The following PRKG1 variants were observed in gnomAD, a reference collection of about 807,000 sequenced individuals.
PRKG1 encodes the protein cGMP-dependent protein kinase 1.
In PRKG1, 35 loss-of-function variants were observed where a neutral mutation model predicts 88.1. The ratio of observed to expected loss-of-function variants is 0.40; its 90% CI spans 0.30 to 0.53. The LOEUF is 0.53. PRKG1 is among the 20% of genes least tolerant of loss of function. The pLI is 0.59. For synonymous variants in PRKG1, 303 were observed against 292.5 expected (o/e 1.04, Z -0.37); for missense variants, 540 against 839.8 (o/e 0.64, Z 4.41).
chr10:51,894,845 T>G (rs1841803883), intron 4 of PRKG1, among the ~76,000 whole-genome samples: 1 of 152,240 alleles, frequency 6.6e-6, no homozygotes, highest in Non-Finnish European at 1.5e-5. Flanking sequence ...AAATGTATTC[T>G]CTTCTATTAT....
intron 1 of PRKG1, among the ~76,000 whole-genome samples, chr10:51,104,348 T>C (rs1472275347): frequency 6.6e-6 from 1 of 152,186 alleles, no homozygotes; most frequent in Non-Finnish European, 1.5e-5. Flanking sequence ...TCTTCACATA[T>C]AACTTTGCTA....
At chr10:51,502,539 G>T (rs1841061856) in intron 3 of PRKG1, among the ~76,000 whole-genome samples, 1 of 152,104 alleles carries the variant, frequency 6.6e-6, no homozygotes, top group South Asian at 2.1e-4. Context: ...AAATGTATAG[G>T]ATTTGAAGTG....
intron 1 of PRKG1, chr10:51,062,803 G>A (rs1589128768): frequency 6.6e-6 from 1 of 152,002 alleles, no homozygotes; most frequent in Non-Finnish European, 1.5e-5. Context: ...TTTATTTTTA[G>A]TAGAGACGGG....
chr10:52,087,194 A>T (rs1224067117), intron 7 of PRKG1, among the ~76,000 whole-genome samples: 2 of 152,196 alleles, frequency 1.3e-5, no homozygotes, highest in Non-Finnish European at 2.9e-5. Context: ...AAGCCTTGCA[A>T]ATAGGGTATC....
intron 3 of PRKG1, among the ~76,000 whole-genome samples, chr10:51,720,868 T>A (rs10762328): frequency 0.44 from 67,096 of 151,786 alleles, 15,434 homozygotes; most frequent in Middle Eastern, 0.57. Context: ...GTTGCTGAGA[T>A]ATTGATTACT....
Position 52,293,826 on chromosome 10 carries a change from A to T in PRKG1, c.1987A>T (p.Asn663Tyr). ...GGTTGCATCACCCACAGACACAAGT[A>T]ATTTTGACAGTTTCCCTGAGGACAA... ...PSVASPTDTS[N>Y]FDSFPEDNDE... Residue 663 changes from asparagine (N) to tyrosine (Y), a missense_variant, in exon 18 of 18, where the codon AAT (asparagine) becomes TAT (tyrosine). Asn to Tyr is a moderately radical substitution (Grantham distance 143, BLOSUM62 -2). Coordinates refer to ENST00000373980, the MANE Select transcript of PRKG1 (RefSeq NM_006258.4). 1.2e-6 allele frequency: 2 copies of T among 1,613,348 alleles called. No homozygotes were observed. Among genetic ancestry groups the T allele is most frequent in the Non-Finnish European group, 1.7e-6 (2 of 1,179,426 alleles).
chr10:51,699,768 T>C (rs1232795503), intron 3 of PRKG1, among the ~76,000 whole-genome samples: 1 of 152,246 alleles, frequency 6.6e-6, no homozygotes, highest in Non-Finnish European at 1.5e-5. Context: ...AGCTTCTTAT[T>C]ACAGAGTCGC....
At chr10:52,217,990 G>A (rs998094420) in intron 9 of PRKG1, among the ~76,000 whole-genome samples, 11 of 151,978 alleles carry the variant, frequency 7.2e-5, no homozygotes, top group African/African-American at 2.7e-4. Flanking sequence ...GAGGCAGGTG[G>A]TTCACAAGGT....
chr10:51,814,180 A>G (rs1052849772), intron 4 of PRKG1, among the ~76,000 whole-genome samples: 1 of 152,130 alleles, frequency 6.6e-6, no homozygotes, highest in African/African-American at 2.4e-5. Flanking sequence ...ATGCTCTGTG[A>G]TCTTTTAAGG....
chr10:51,021,610 AT>A (rs958047382), intron 1 of PRKG1, among the ~76,000 whole-genome samples: 2 of 152,122 alleles, frequency 1.3e-5, no homozygotes, highest in African/African-American at 4.8e-5. Flanking sequence ...AAAAGGTAGA[AT>A]TTTTTTCCTC....
intron 8 of PRKG1, among the ~76,000 whole-genome samples, chr10:52,155,772 A>G (rs1015467064): frequency 1.7e-5 from 2 of 117,302 alleles, no homozygotes; most frequent in Non-Finnish European, 4.0e-5. Context: ...TTTAAAATTC[A>G]AAACTAGATG....
At chr10:51,121,166 A>G (rs1317907302) in intron 1 of PRKG1, among the ~76,000 whole-genome samples, 1 of 152,126 alleles carries the variant, frequency 6.6e-6, no homozygotes, top group African/African-American at 2.4e-5. Flanking sequence ...ACCCACTTGG[A>G]TAACCCAGAG....
chr10:51,413,478 C>A (rs1838156639), intron 2 of PRKG1, among the ~76,000 whole-genome samples: 1 of 151,932 alleles, frequency 6.6e-6, no homozygotes, highest in Non-Finnish European at 1.5e-5. Context: ...TCCTGCCTCA[C>A]CCTCCTGAGT....
chr10:51,838,763 GA>G (rs112164475), intron 4 of PRKG1, among the ~76,000 whole-genome samples: 13 of 149,184 alleles, frequency 8.7e-5, no homozygotes, highest in Admixed American at 2.0e-4. Context: ...AGGCTAATGA[GA>G]AAAAAAAAAT....
chr10:51,986,731 A>C (rs1013820384), intron 5 of PRKG1, among the ~76,000 whole-genome samples: 2 of 152,202 alleles, frequency 1.3e-5, no homozygotes, highest in Non-Finnish European at 2.9e-5. Context: ...CCTCAGCTGC[A>C]GTGATGTCTC....
chr10:51,079,283 AAGGTAAGTCAC>A (rs1357205234), intron 1 of PRKG1, among the ~76,000 whole-genome samples: 3 of 152,194 alleles, frequency 2.0e-5, no homozygotes, highest in Non-Finnish European at 4.4e-5. Flanking sequence ...TAGATAGAGT[AAGGTAAGTCAC>A]AGGGGAGATA....
intron 3 of PRKG1, among the ~76,000 whole-genome samples, chr10:51,795,336 T>G (rs1373091063): frequency 6.6e-6 from 1 of 152,144 alleles, no homozygotes; most frequent in African/African-American, 2.4e-5. Context: ...TAATAATGAT[T>G]CTTATCTGCA....
At chr10:51,549,688 T>C (rs1429813161) in intron 3 of PRKG1, among the ~76,000 whole-genome samples, 1 of 152,146 alleles carries the variant, frequency 6.6e-6, no homozygotes, top group Non-Finnish European at 1.5e-5. Flanking sequence ...TCCTGAAGAA[T>C]TGTCAGTAAC....
intron 9 of PRKG1, among the ~76,000 whole-genome samples, chr10:52,196,078 T>C (rs1448838808): frequency 1.3e-5 from 2 of 152,156 alleles, no homozygotes; most frequent in Non-Finnish European, 2.9e-5. Context: ...AGTGGCACGA[T>C]CTCGGCTCAC....
Sources: gnomAD v4.1 joint callset for allele counts (sites outside exome capture counted in the v4.1 genomes callset) on GRCh38, gnomAD v4.1.1 for gene constraint, MANE v1.5 for transcripts, NCBI Gene and HGNC (gene_info 2026-07-23, HGNC 2026-07-21) for gene names.